The following NFATC2 variants were observed in gnomAD, a reference collection of about 807,000 sequenced individuals.
NFATC2 encodes the protein nuclear factor of activated T-cells, cytoplasmic 2.
Under a neutral mutation model 87.3 loss-of-function variants are expected in NFATC2, and 22 were observed. That is an observed-to-expected ratio of 0.25 (90% CI 0.18 to 0.36). The LOEUF is 0.36. NFATC2 is among the 10% of genes least tolerant of loss of function. The probability of loss-of-function intolerance (pLI) is 1.00; values close to 1 mark genes in which losing one functional copy is unlikely to be tolerated. For synonymous variants in NFATC2, 565 were observed against 542.2 expected (o/e 1.04, Z -0.58); for missense variants, 1,149 against 1,259.1 (o/e 0.91, Z 1.32).
At chr20:51,456,971 C>T (rs1986603414) in intron 5 of NFATC2, among the ~76,000 whole-genome samples, 1 of 152,242 alleles carries the variant, frequency 6.6e-6, no homozygotes, top group Non-Finnish European at 1.5e-5. Context: ...CCCCTGATGG[C>T]TTTTCCCAAC....
intron 1 of NFATC2, among the ~76,000 whole-genome samples, chr20:51,551,512 G>A (rs568753465): frequency 1.6e-4 from 24 of 151,044 alleles, no homozygotes; most frequent in Non-Finnish European, 2.8e-4. Flanking sequence ...CAGATGATCC[G>A]CTCACCTCAG....
chr20:51,390,889 T>G lies in NFATC2; in HGVS notation c.*607A>C. 1 of 202,144 alleles carries G rather than the reference T, an allele frequency of 4.9e-6. No homozygotes were observed. The highest frequency in any genetic ancestry group is 5.3e-5 in the Admixed American group (1 of 19,040). 12.5% of individuals were successfully genotyped at this position (202,144 alleles called of 1,614,324 possible). Reference sequence around the variant, plus strand: ...GTTCAGTTTCTGTCTCTATCGAGGGTTTTGGGTTTCTTCAGCCTGTAAGCT... The same window carrying G: ...GTTCAGTTTCTGTCTCTATCGAGGGGTTTGGGTTTCTTCAGCCTGTAAGCT... On this transcript the variant is annotated 3_prime_UTR_variant, in exon 11 of 11. Transcript: ENST00000371564.
chr20:51,518,781 A>C (rs1463365363), intron 2 of NFATC2, among the ~76,000 whole-genome samples: 3 of 152,222 alleles, frequency 2.0e-5, no homozygotes, highest in Non-Finnish European at 4.4e-5. Flanking sequence ...GGGCTATGAC[A>C]TGAACCATGA....
intron 3 of NFATC2, among the ~76,000 whole-genome samples, chr20:51,509,307 T>A (rs2076235565): frequency 6.6e-6 from 1 of 152,172 alleles, no homozygotes; most frequent in African/African-American, 2.4e-5. Flanking sequence ...TAAGCTATAT[T>A]GCTATCTCCC....
chr20:51,483,610 C>A (rs1262086932), intron 3 of NFATC2, among the ~76,000 whole-genome samples: 1 of 149,448 alleles, frequency 6.7e-6, no homozygotes, highest in Non-Finnish European at 1.5e-5. Flanking sequence ...ACCCTCTCCC[C>A]CCCACCACAC....
chr20:51,529,672 C>T (rs1294811510), intron 1 of NFATC2, among the ~76,000 whole-genome samples: 1 of 152,062 alleles, frequency 6.6e-6, no homozygotes, highest in Non-Finnish European at 1.5e-5. Context: ...TTTTTTTAAC[C>T]ACTTGCACGA....
At chr20:51,400,978 G>T (rs561181046) in intron 9 of NFATC2, among the ~76,000 whole-genome samples, 1 of 152,074 alleles carries the variant, frequency 6.6e-6, no homozygotes, top group South Asian at 2.1e-4. Context: ...ATCAGAAGCT[G>T]TTGGAACATA....
chr20:51,562,147 C>A lies in NFATC2; in HGVS notation c.70+413G>T, dbSNP rs1219244445. Among the ~76,000 whole-genome samples the A allele has an allele frequency of 6.6e-6, 1 of 152,168 alleles. No homozygotes were observed. Among genetic ancestry groups the A allele is most frequent in the Non-Finnish European group, 1.5e-5 (1 of 68,030 alleles). On this transcript the variant is annotated intron_variant, in intron 1 of 10. Coordinates refer to the NFATC2 transcript ENST00000414705. The surrounding 1 kb of genome is among the most constrained non-coding windows in gnomAD (Gnocchi z 5.8). The stretch of plus-strand genomic sequence containing the variant: ...TGTATAGTAAAATGCCAAGCCTGTT[C>A]TCTTAAAAGAAAAAAAAGTAATAAT...
At chr20:51,525,433 C>T (rs1024397968) in intron 1 of NFATC2, among the ~76,000 whole-genome samples, 3 of 152,084 alleles carry the variant, frequency 2.0e-5, no homozygotes, top group Non-Finnish European at 2.9e-5. Context: ...TCAGCCTGAC[C>T]CTCTTCTAGC....
chr20:51,467,470 T>A (rs1040713065), intron 5 of NFATC2, among the ~76,000 whole-genome samples: 4 of 151,966 alleles, frequency 2.6e-5, no homozygotes, highest in African/African-American at 9.7e-5. Context: ...GGCAGGAGAA[T>A]CACTTGAAGC....
intron 3 of NFATC2, among the ~76,000 whole-genome samples, chr20:51,505,050 G>C (rs2076154749): frequency 8.8e-6 from 1 of 113,928 alleles, no homozygotes; most frequent in Admixed American, 1.4e-4. Context: ...GTCTCGCTCT[G>C]TCACCCAGGC....
At chr20:51,391,813 T>C (rs1345365255) in intron 10 of NFATC2, among the ~76,000 whole-genome samples, 1 of 152,104 alleles carries the variant, frequency 6.6e-6, no homozygotes, top group Non-Finnish European at 1.5e-5. Flanking sequence ...ATTCTGCCCA[T>C]CTCTATTTTT....
chr20:51,517,615 A>C (rs2076373952), intron 2 of NFATC2, among the ~76,000 whole-genome samples: 1 of 151,680 alleles, frequency 6.6e-6, no homozygotes, highest in Admixed American at 6.6e-5. Context: ...GAAACAAAAC[A>C]AAACCAAAAA....
chr20:51,484,609 G>A (rs550344754), intron 3 of NFATC2, among the ~76,000 whole-genome samples: 29 of 152,262 alleles, frequency 1.9e-4, no homozygotes, highest in African/African-American at 7.0e-4. Context: ...CCAGACCTAC[G>A]CCTCTCCCAT....
At chr20:51,417,390 G>A (rs553013905) in intron 9 of NFATC2, among the ~76,000 whole-genome samples, 27 of 152,036 alleles carry the variant, frequency 1.8e-4, no homozygotes, top group Non-Finnish European at 3.4e-4. Flanking sequence ...TGACGCCGCC[G>A]TCATTACTCT....
chr20:51,481,303 C>T (rs945623286), intron 3 of NFATC2, among the ~76,000 whole-genome samples: 1 of 152,116 alleles, frequency 6.6e-6, no homozygotes, highest in South Asian at 2.1e-4. Flanking sequence ...TCCCCACCAT[C>T]CCCATTTTCG....
intron 1 of NFATC2, among the ~76,000 whole-genome samples, chr20:51,528,433 A>G (rs562256904): frequency 6.6e-6 from 1 of 152,312 alleles, no homozygotes; most frequent in African/African-American, 2.4e-5. Flanking sequence ...AGATGTACAC[A>G]CAGATGTATA....
intron 1 of NFATC2, among the ~76,000 whole-genome samples, chr20:51,534,035 G>A (rs1303666299): frequency 2.0e-5 from 3 of 152,122 alleles, no homozygotes; most frequent in Non-Finnish European, 2.9e-5. Flanking sequence ...CCTATTTTTA[G>A]TCATTCTAAT....
At chr20:51,406,260 G>A (rs762053766) in intron 9 of NFATC2, among the ~76,000 whole-genome samples, 12 of 152,194 alleles carry the variant, frequency 7.9e-5, no homozygotes, top group Non-Finnish European at 1.5e-4. Context: ...TTACCACCTG[G>A]CAACAAGAAT....
Sources: allele counts gnomAD v4.1 joint callset (sites outside exome capture counted in the v4.1 genomes callset), GRCh38; gene constraint gnomAD v4.1.1; non-coding constraint Gnocchi (gnomAD v3.1); transcripts MANE v1.5; gene names NCBI Gene and HGNC (gene_info 2026-07-23, HGNC 2026-07-21).